The following CYTH3 variants were observed in gnomAD, a reference collection of about 807,000 sequenced individuals.
The protein encoded by CYTH3 is cytohesin 3.
In CYTH3, 23 loss-of-function variants were observed where a neutral mutation model predicts 55.1. The ratio of observed to expected loss-of-function variants is 0.42; its 90% confidence interval spans 0.30 to 0.59. The LOEUF (loss-of-function observed/expected upper bound fraction) is 0.59. Ranked by LOEUF, CYTH3 falls within the 20% of genes least tolerant of loss-of-function variation. CYTH3 has a pLI of 0.20. For synonymous variants in CYTH3, 249 were observed against 194.9 expected (o/e 1.28, Z -2.31); for missense variants, 413 against 524.8 (o/e 0.79, Z 2.08).
chr7:6,164,746 C>G lies in CYTH3; in HGVS notation c.*198G>C, dbSNP rs768646563. The G allele has an allele frequency of 1.5e-5, 10 of 670,406 alleles. No individual in the cohort carries two copies. The highest frequency in any genetic ancestry group is 2.1e-5 in the Non-Finnish European group (8 of 377,760). 41.5% of individuals were successfully genotyped at this position (670,406 alleles called of 1,614,324 possible). On this transcript the variant is annotated 3_prime_UTR_variant, in exon 13 of 13. Coordinates refer to ENST00000350796, the MANE Select transcript of CYTH3 (RefSeq NM_004227.4). Reference sequence around the variant, plus strand: ...CGGTACGCTCTGGAGCAGCAGCTTGCACTGCAGGGCGACCACCTCCCAGGA... The same window carrying G: ...CGGTACGCTCTGGAGCAGCAGCTTGGACTGCAGGGCGACCACCTCCCAGGA...
chr7:6,216,179 G>A (rs1329264741), intron 1 of CYTH3, among the ~76,000 whole-genome samples: 1 of 152,036 alleles, frequency 6.6e-6, no homozygotes, highest in Non-Finnish European at 1.5e-5. Flanking sequence ...TCTCAATCAC[G>A]TTTCACGGTT....
Position 6,165,442 on chromosome 7 carries a change from G to A in CYTH3, c.973-15C>T, listed in dbSNP as rs1227119824. 9.3e-6 allele frequency: 15 copies of A among 1,610,570 alleles called. No homozygotes were observed. The highest frequency in any genetic ancestry group is 1.3e-5 in the Non-Finnish European group (15 of 1,177,782). On this transcript the variant is annotated splice_polypyrimidine_tract_variant and intron_variant, in intron 11 of 12. Transcript: ENST00000350796. ...TCAAAACAGTTCTGGTGGAGAAAGA[G>A]AGAGGGGAGGCGGTCAGGGGGGCTT...
At chr7:6,220,022 G>C (rs1049045478) in intron 1 of CYTH3, among the ~76,000 whole-genome samples, 9 of 152,068 alleles carry the variant, frequency 5.9e-5, no homozygotes, top group Non-Finnish European at 7.4e-5. Context: ...AAGTGACTGG[G>C]ACTACAGGCA....
intron 1 of CYTH3, among the ~76,000 whole-genome samples, chr7:6,212,035 T>A (rs995401680): frequency 6.6e-6 from 1 of 152,116 alleles, no homozygotes; most frequent in African/African-American, 2.4e-5. Context: ...TATTCATTCT[T>A]TCTAACTAAT....
intron 1 of CYTH3, among the ~76,000 whole-genome samples, chr7:6,233,380 T>C (rs1779435490): frequency 6.6e-6 from 1 of 152,326 alleles, no homozygotes. Flanking sequence ...CCTTTGTAAC[T>C]AGTTTTTGTT....
In CYTH3 at chr7:6,264,745, T is replaced by C. The variant is rs547144983; in HGVS notation, c.34+7729A>G. 1.5e-3 allele frequency among the ~76,000 whole-genome samples: 224 copies of C among 152,384 alleles called. 1 individual carries two copies. Among genetic ancestry groups the C allele is most frequent in the Non-Finnish European group, 2.5e-3 (167 of 68,036 alleles). On this transcript the variant is annotated intron_variant, in intron 1 of 12. Transcript: ENST00000350796. ...CACAAGTGACTTCAACTTTATTCAGTATTTATTAACAAATATTTACTGAAA... is the reference window on the plus strand; with the variant it reads ...CACAAGTGACTTCAACTTTATTCAGCATTTATTAACAAATATTTACTGAAA...
At chr7:6,203,546 G>A (rs1226564591) in intron 1 of CYTH3, among the ~76,000 whole-genome samples, 1 of 152,142 alleles carries the variant, frequency 6.6e-6, no homozygotes, top group African/African-American at 2.4e-5. Flanking sequence ...AAAAATCCGG[G>A]AGACAATATA....
rs569085340 is a variant in CYTH3, at chr7:6,212,481, A to G, written c.35-21950T>C. ...ATTCTACTTTGTCTCTATGAATTCA[A>G]CTACTCAGGTACCTCACATAAGTAG... On this transcript the variant is annotated intron_variant, in intron 1 of 12. Transcript: ENST00000350796. Among the ~76,000 whole-genome samples the G allele has an allele frequency of 2.2e-4, 33 of 152,252 alleles. No homozygotes were observed. In the South Asian group the frequency reaches 5.6e-3, roughly 26 times the overall value.
chr7:6,213,428 A>G (rs1053744851), intron 1 of CYTH3, among the ~76,000 whole-genome samples: 1 of 152,204 alleles, frequency 6.6e-6, no homozygotes, highest in African/African-American at 2.4e-5. Context: ...TGTCAATCTT[A>G]AAGTCAAGAG....
chr7:6,207,660 C>T (rs1425676952), intron 1 of CYTH3, among the ~76,000 whole-genome samples: 1 of 149,520 alleles, frequency 6.7e-6, no homozygotes, highest in Non-Finnish European at 1.5e-5. Context: ...AAAAACAAAA[C>T]AAAAAAAGGC....
chr7:6,185,912 G>A (rs958508055), intron 4 of CYTH3, among the ~76,000 whole-genome samples: 5 of 151,960 alleles, frequency 3.3e-5, no homozygotes, highest in African/African-American at 1.2e-4. Context: ...CATTAGCACA[G>A]AGGCTCAATG....
chr7:6,202,183 C>T (rs1258820546), intron 1 of CYTH3, among the ~76,000 whole-genome samples: 2 of 152,196 alleles, frequency 1.3e-5, no homozygotes, highest in African/African-American at 4.8e-5. Flanking sequence ...CTCCCCTGTC[C>T]TGGAACCTGA....
intron 1 of CYTH3, among the ~76,000 whole-genome samples, chr7:6,266,495 C>T (rs1780497205): frequency 6.6e-6 from 1 of 152,194 alleles, no homozygotes; most frequent in Admixed American, 6.5e-5. Context: ...GCTTCATGTA[C>T]TTAGAATAAA....
At chr7:6,165,954 TCCCACCGCAGGGCCCCACATGCA>T (rs1782988457) in intron 9 of CYTH3, 144 bp from the exon 10 acceptor site, 1 of 763,134 alleles carries the variant, frequency 1.3e-6, no homozygotes, top group South Asian at 1.7e-5. Flanking sequence ...CCTTCAGCGT[TCCCACCGCAGGGCCCCACATGCA>T]CCCACCCCGC....
chr7:6,197,655 C>T (rs1783965747), intron 1 of CYTH3, among the ~76,000 whole-genome samples: 1 of 152,022 alleles, frequency 6.6e-6, no homozygotes, highest in Non-Finnish European at 1.5e-5. Flanking sequence ...TGCCCTCCAG[C>T]CTGGGCAACA....
intron 1 of CYTH3, among the ~76,000 whole-genome samples, chr7:6,200,786 T>C (rs922105157): frequency 3.3e-5 from 5 of 152,322 alleles, no homozygotes; most frequent in African/African-American, 1.2e-4. Flanking sequence ...GAAAGGATCT[T>C]GCTCTGTCAC....
chr7:6,229,399 G>A (rs1002848091), intron 1 of CYTH3, among the ~76,000 whole-genome samples: 2 of 152,108 alleles, frequency 1.3e-5, no homozygotes, highest in Non-Finnish European at 2.9e-5. Context: ...GCTTGCTGCG[G>A]CAGACTCCAG....
At chr7:6,184,048 GCTT>G (rs1783573846) in intron 4 of CYTH3, among the ~76,000 whole-genome samples, 1 of 109,182 alleles carries the variant, frequency 9.2e-6, no homozygotes, top group Non-Finnish European at 1.9e-5. Flanking sequence ...CCCCTCTGTG[GCTT>G]TTTTTTTTTT....
intron 1 of CYTH3, among the ~76,000 whole-genome samples, chr7:6,238,888 G>C (rs1779597761): frequency 6.7e-6 from 1 of 149,946 alleles, no homozygotes; most frequent in South Asian, 2.1e-4. Flanking sequence ...GAAAAGATTG[G>C]AAATCAGAAC....
Sources: allele counts gnomAD v4.1 joint callset (sites outside exome capture counted in the v4.1 genomes callset), GRCh38; gene constraint gnomAD v4.1.1; transcripts MANE v1.5; gene names NCBI Gene and HGNC (gene_info 2026-07-23, HGNC 2026-07-21).